The following PCDHA7 variants were observed in gnomAD, a reference collection of about 807,000 sequenced individuals.
PCDHA7 encodes protocadherin alpha 7, also known as protocadherin alpha-7.
A neutral mutation model predicts 57.2 loss-of-function variants in PCDHA7; 37 were observed. The ratio of observed to expected loss-of-function variants is 0.65; its 90% CI spans 0.50 to 0.85. The LOEUF (loss-of-function observed/expected upper bound fraction) is 0.85, where lower values mean the gene tolerates loss of function less well. Ranked by LOEUF, PCDHA7 falls within the 40% of genes least tolerant of loss-of-function variation. The pLI, the probability that PCDHA7 is intolerant of heterozygous loss-of-function variation, is 0.00. For synonymous variants in PCDHA7, 553 were observed against 558.8 expected, an observed-to-expected ratio of 0.99 and a Z score of 0.15; for missense variants, 1,188 against 1,241.8, an observed-to-expected ratio of 0.96 and a Z score of 0.65.
intron 1 of PCDHA7, among the ~76,000 whole-genome samples, chr5:140,847,087 C>G (rs192682814): frequency 6.7e-6 from 1 of 149,796 alleles, no homozygotes; most frequent in Non-Finnish European, 1.5e-5. Flanking sequence ...GAAAAGTCCA[C>G]TTTGGTTAAA....
At position 140,835,851 on chromosome 5, in the gene PCDHA7, G is replaced by C. The variant is rs2150246583; in HGVS notation, c.1468G>C (p.Val490Leu). 1.9e-5 allele frequency: 30 copies of C among 1,612,172 alleles called. No homozygotes were observed. In the South Asian group the frequency reaches 3.0e-4, roughly 16 times the overall value. ...CGCGGACGCGCAGAAGAACGCGCTG[G>C]TGTCCTACTCGCTGGTGGAGCTGCG... ...GDADAQKNALVSYSLVELRVG... is the reference protein window; with the variant it reads ...GDADAQKNALLSYSLVELRVG... Residue 490 changes from valine (V) to leucine (L), a missense_variant, in exon 1 of 4, where the codon GTG (valine) becomes CTG (leucine). Coordinates refer to ENST00000525929, the MANE Select transcript of PCDHA7 (RefSeq NM_018910.3).
At chr5:140,884,014 G>A (rs1582743653) in intron 1 of PCDHA7, 1 of 1,613,168 alleles carries the variant, frequency 6.2e-7, no homozygotes, top group Non-Finnish European at 8.5e-7. Context: ...AGCTGATGCC[G>A]CGGTCGGTGG....
chr5:140,873,592 T>A (rs936003894), intron 1 of PCDHA7, among the ~76,000 whole-genome samples: 3 of 152,234 alleles, frequency 2.0e-5, no homozygotes, highest in African/African-American at 7.2e-5. Flanking sequence ...TAAGCTAAAC[T>A]TAGATGTTCC....
Position 140,834,771 on chromosome 5 carries a change from C to A in PCDHA7, c.388C>A (p.Pro130Thr), listed in dbSNP as rs2150226115. 3 of 1,613,992 alleles carry A rather than the reference C, an allele frequency of 1.9e-6. No individual in the cohort carries two copies. In the South Asian group the frequency reaches 3.3e-5, roughly 18 times the overall value. Residue 130 changes from proline (P) to threonine (T), a missense_variant, in exon 1 of 4, where the codon CCT becomes ACT. Physicochemically the swap from Pro to Thr is conservative, Grantham distance 38. Around this residue, in one of 3 missense-constraint regions of PCDHA7, gnomAD observed 194 missense variants for 185.8 expected, o/e 1.04. Transcript: ENST00000525929. ...DVEVKDINDN[P>T]PVFPATQRNL... ...GGAGGTGAAGGACATTAACGACAAC[C>A]CTCCGGTGTTCCCAGCGACACAAAG...
At chr5:141,002,934 C>A (rs1318656602) in intron 3 of PCDHA7, among the ~76,000 whole-genome samples, 2 of 152,172 alleles carry the variant, frequency 1.3e-5, no homozygotes, top group Non-Finnish European at 2.9e-5. Flanking sequence ...CCTCCAACAC[C>A]CTCCAGCACA....
At chr5:140,897,175 G>A (rs1293904744) in intron 1 of PCDHA7, among the ~76,000 whole-genome samples, 3 of 151,828 alleles carry the variant, frequency 2.0e-5, no homozygotes, top group Admixed American at 6.6e-5. Flanking sequence ...ATCTCCATGG[G>A]TTCAAAAAAT....
At chr5:141,005,572 C>G (rs548748234) in intron 3 of PCDHA7, among the ~76,000 whole-genome samples, 59 of 150,976 alleles carry the variant, frequency 3.9e-4, no homozygotes, top group Non-Finnish European at 7.7e-4. Context: ...CATGGTGGCG[C>G]GTGCCTGTAG....
At chr5:140,841,756 C>G (rs1777468782) in intron 1 of PCDHA7, 4 of 1,613,854 alleles carry the variant, frequency 2.5e-6, no homozygotes, top group Non-Finnish European at 1.7e-6. Context: ...TTTCAGAATC[C>G]AGAATGCCAG....
At chr5:140,967,371 A>C in intron 1 of PCDHA7, 1 of 1,607,094 alleles carries the variant, frequency 6.2e-7, no homozygotes, top group Non-Finnish European at 8.5e-7. Context: ...CCCCTGCAGG[A>C]GAACAGTAAA....
intron 1 of PCDHA7, among the ~76,000 whole-genome samples, chr5:140,955,987 A>T (rs1185683030): frequency 6.6e-6 from 1 of 152,198 alleles, no homozygotes; most frequent in Non-Finnish European, 1.5e-5. Context: ...CAATTTTTGC[A>T]CATTGATTTT....
At chr5:140,944,051 C>G (rs1383787401) in intron 1 of PCDHA7, among the ~76,000 whole-genome samples, 1 of 152,086 alleles carries the variant, frequency 6.6e-6, no homozygotes, top group East Asian at 1.9e-4. Context: ...GATTGGGATA[C>G]AAAAAGGTTT....
intron 1 of PCDHA7, among the ~76,000 whole-genome samples, chr5:140,909,668 CA>C (rs1554193872): frequency 6.6e-6 from 1 of 152,162 alleles, no homozygotes; most frequent in Non-Finnish European, 1.5e-5. Context: ...CTCACTCTAC[CA>C]GTCAGGGAGC....
intron 1 of PCDHA7, chr5:140,852,192 T>C: frequency 1.4e-6 from 1 of 716,718 alleles, no homozygotes; most frequent in Non-Finnish European, 1.8e-6. Context: ...AAAATGCCAG[T>C]AACGTTTATT....
At chr5:140,882,392 G>C (rs781850899) in intron 1 of PCDHA7, 4 of 1,614,178 alleles carry the variant, frequency 2.5e-6, no homozygotes, top group South Asian at 1.1e-5. Flanking sequence ...AGCAAAACAC[G>C]GCACCTTCGT....
intron 1 of PCDHA7, among the ~76,000 whole-genome samples, chr5:140,947,165 T>C (rs1034105702): frequency 6.6e-6 from 1 of 151,228 alleles, no homozygotes. Context: ...GGGTAGAAAA[T>C]GTGGTATATA....
intron 1 of PCDHA7, among the ~76,000 whole-genome samples, chr5:140,896,526 A>G (rs1554186988): frequency 6.9e-6 from 1 of 144,852 alleles, no homozygotes; most frequent in African/African-American, 2.5e-5. Context: ...CACAAAGCCC[A>G]GCTATTTTTC....
At chr5:140,877,559 T>C in intron 1 of PCDHA7, 1 of 1,613,754 alleles carries the variant, frequency 6.2e-7, no homozygotes, top group South Asian at 1.1e-5. Context: ...CTGGTGGATA[T>C]TAACGTGTAC....
intron 1 of PCDHA7, among the ~76,000 whole-genome samples, chr5:140,975,553 G>A (rs990389718): frequency 6.6e-6 from 1 of 152,226 alleles, no homozygotes; most frequent in Non-Finnish European, 1.5e-5. Flanking sequence ...TATTAGGAAG[G>A]AAAAGGAGAT....
At chr5:140,928,307 C>T in intron 1 of PCDHA7, 1 of 1,614,150 alleles carries the variant, frequency 6.2e-7, no homozygotes, top group Non-Finnish European at 8.5e-7. Context: ...GCCCAGGACC[C>T]CGACCTGGGG....
Sources: allele counts gnomAD v4.1 joint callset (sites outside exome capture counted in the v4.1 genomes callset), GRCh38; gene constraint gnomAD v4.1.1; regional missense constraint gnomAD v4.1.1; transcripts MANE v1.5; gene names NCBI Gene and HGNC (gene_info 2026-07-23, HGNC 2026-07-21).